TEP1: variants seen among roughly 807,000 people sequenced by gnomAD.
TEP1 encodes telomerase associated protein 1.
Under a neutral mutation model 306.3 loss-of-function variants are expected in TEP1, and 241 were observed. The observed-to-expected ratio is 0.79, with a 90% confidence interval of 0.71 to 0.88. The LOEUF (loss-of-function observed/expected upper bound fraction) is 0.88, where lower values mean the gene tolerates loss of function less well. TEP1 is among the 40% of genes least tolerant of loss of function. The pLI is 0.00. For synonymous variants in TEP1, 1,289 were observed against 1,305.5 expected, an observed-to-expected ratio of 0.99 and a Z score of 0.27; for missense variants, 3,051 against 3,276.1, an observed-to-expected ratio of 0.93 and a Z score of 1.68.
In TEP1 at chr14:20,378,534, A is replaced by G; in HGVS notation, c.5354T>C (p.Leu1785Pro). ...ATVCLGGCLK[L>P]WDTVRGQLAF... Reference sequence around the variant, plus strand: ...CAGCTGCCCACGGACTGTGTCCCACAGCTGAGGGAGAGAGAGGAGGAATCA... The same window carrying G: ...CAGCTGCCCACGGACTGTGTCCCACGGCTGAGGGAGAGAGAGGAGGAATCA... The change falls in exon 38 of 55, where the codon CTG (leucine) becomes CCG (proline). Residue 1785 changes from leucine (L) to proline (P), a missense_variant and splice_region_variant. Leu to Pro is a moderately conservative substitution (Grantham distance 98). Around this residue, in one of 3 missense-constraint regions of TEP1, gnomAD observed 1,540 missense variants for 1,705.9 expected, o/e 0.90. Coordinates refer to ENST00000262715, the MANE Select transcript of TEP1 (RefSeq NM_007110.5). 1 of 1,614,206 alleles carries G rather than the reference A, an allele frequency of 6.2e-7. No individual in the cohort carries two copies. The highest frequency in any genetic ancestry group is 8.5e-7 in the Non-Finnish European group (1 of 1,180,034).
rs1173347251 is a variant in TEP1 at position 20,395,955 on chromosome 14, AAGCAAAGGAGGGAGGGGTCATG to A, written c.1660-28_1660-7del. 6.2e-7 allele frequency: 1 copy of A among 1,613,666 alleles called. No homozygotes were observed. Among genetic ancestry groups the A allele is most frequent in the African/African-American group, 1.3e-5 (1 of 74,914 alleles). On this transcript the variant is annotated splice_polypyrimidine_tract_variant and splice_region_variant and intron_variant, in intron 10 of 54. Coordinates refer to ENST00000262715, the MANE Select transcript of TEP1 (RefSeq NM_007110.5). Reference sequence around the variant, plus strand: ...CGACTGTGGATCACCGACTTCTAGAAAGCAAAGGAGGGAGGGGTCATGAGCACAGGAGCCGGGAGTATGGGGG... The same window carrying A: ...CGACTGTGGATCACCGACTTCTAGAAAGCACAGGAGCCGGGAGTATGGGGG...
chr14:20,377,262 C>T lies in TEP1; in HGVS notation c.6088+18G>A, dbSNP rs546213045. 14 of 1,564,920 alleles carry T rather than the reference C, an allele frequency of 8.9e-6. No homozygotes were observed. In the South Asian group the frequency reaches 1.6e-4, roughly 18 times the overall value. On this transcript the variant is annotated intron_variant, in intron 41 of 54. Transcript: ENST00000262715. Reference sequence around the variant, plus strand: ...AAAGAACAGTAATTTGTTAACCCTGCCCACTGTCTAGTAGTACCTGAGGCA... The same window carrying T: ...AAAGAACAGTAATTTGTTAACCCTGTCCACTGTCTAGTAGTACCTGAGGCA...
At chr14:20,401,259 C>T (rs1878712445) in intron 8 of TEP1, 118 bp from the exon 9 acceptor site, 1 of 1,411,078 alleles carries the variant, frequency 7.1e-7, no homozygotes, top group African/African-American at 1.4e-5. Flanking sequence ...AAAAATAACT[C>T]AGAAAAGGAA....
intron 9 of TEP1, among the ~76,000 whole-genome samples, chr14:20,398,857 G>A (rs1259658264): frequency 1.3e-5 from 2 of 151,946 alleles, no homozygotes; most frequent in Non-Finnish European, 2.9e-5. Flanking sequence ...AATTATAGCT[G>A]GAAGCTTTCA....
In TEP1 at chr14:20,403,872, C is replaced by T. The variant is rs1406984843; in HGVS notation, c.1045G>A (p.Gly349Arg). ...AGGGGCACCAGCTTATTCTTATCTC[C>T]CTCAGCCAGGCTCTGTCAAAGAGAG... ...VAELYQSLAEGDKNKLVPLPA... is the reference protein window; with the variant it reads ...VAELYQSLAERDKNKLVPLPA... The change falls in exon 6 of 55, where the codon GGA becomes AGA. Residue 349 changes from glycine (G) to arginine (R), a missense_variant. Transcript: ENST00000262715. 3.7e-6 allele frequency: 6 copies of T among 1,614,126 alleles called. No homozygotes were observed. Among genetic ancestry groups the T allele is most frequent in the Admixed American group, 1.7e-5 (1 of 60,016 alleles).
intron 1 of TEP1, 42 bp from the exon 2 acceptor site, chr14:20,408,505 T>C (rs1879391017): frequency 2.0e-6 from 3 of 1,482,810 alleles, no homozygotes; most frequent in Non-Finnish European, 2.7e-6. Flanking sequence ...CTGGCTGCAC[T>C]GAGCGTGTAT....
chr14:20,378,654 G>A (rs1885344926), intron 37 of TEP1, 100 bp downstream of exon 37: 1 of 1,579,038 alleles, frequency 6.3e-7, no homozygotes, highest in South Asian at 1.1e-5. Flanking sequence ...GGCCTTCTCT[G>A]GCCAGGGAGT....
chr14:20,402,278 A>T (rs1425415026), intron 7 of TEP1, among the ~76,000 whole-genome samples: 17 of 152,236 alleles, frequency 1.1e-4, no homozygotes, highest in Admixed American at 1.1e-3. Flanking sequence ...ACTGCACTCC[A>T]GCCTGGGCTA....
chr14:20,400,918 G>T (rs922383513), intron 9 of TEP1, 66 bp downstream of exon 9: 2 of 1,562,582 alleles, frequency 1.3e-6, no homozygotes, highest in Non-Finnish European at 1.7e-6. Flanking sequence ...TTCTAGTGAG[G>T]ATCTAAAATG....
intron 42 of TEP1, 75 bp downstream of exon 42, chr14:20,376,029 G>T: frequency 6.4e-7 from 1 of 1,566,564 alleles, no homozygotes; most frequent in South Asian, 1.2e-5. Flanking sequence ...AGGAAGCAAT[G>T]GGAAATGGGT....
At chr14:20,379,799 A>G (rs756662494) in intron 35 of TEP1, 131 bp downstream of exon 35, 9 of 1,260,234 alleles carry the variant, frequency 7.1e-6, no homozygotes, top group Non-Finnish European at 9.6e-6. Context: ...AAGCCCTTTG[A>G]GCTGATGTGC....
At chr14:20,369,974 C>T (rs570531511) in intron 51 of TEP1, among the ~76,000 whole-genome samples, 195 bp from the exon 52 acceptor site, 2 of 149,532 alleles carry the variant, frequency 1.3e-5, no homozygotes, top group East Asian at 2.0e-4. Flanking sequence ...AGTGCAGTGG[C>T]GTGATCTCGG....
Position 20,395,491 on chromosome 14 carries a change from A to T in TEP1, c.1887T>A (p.Tyr629Ter). 1.9e-6 allele frequency: 3 copies of T among 1,611,434 alleles called. No individual in the cohort carries two copies. The highest frequency in any genetic ancestry group is 2.5e-6 in the Non-Finnish European group (3 of 1,178,106). ...TCAGCTTCTCCCTCTTGAGCTGCTC[A>T]TACAACACAGGTATCCTCATTGCCA... ...LRMAMRIPVL[Y>*]EQLKREKLRV... Residue 629 changes from tyrosine to a stop codon, truncating the protein, a stop_gained, in exon 12 of 55, where the codon TAT becomes TAA. Transcript: ENST00000262715. LOFTEE classifies it high-confidence loss of function.
intron 48 of TEP1, 65 bp downstream of exon 48, chr14:20,372,946 G>A (rs576548393): frequency 1.7e-5 from 27 of 1,613,404 alleles, no homozygotes; most frequent in Admixed American, 6.7e-5. Flanking sequence ...AACCTCTAAC[G>A]CCCAGTAAAT....
chr14:20,382,530 A>C (rs1594339132), intron 28 of TEP1, 93 bp downstream of exon 28: 1 of 1,556,076 alleles, frequency 6.4e-7, no homozygotes, highest in East Asian at 2.2e-5. Flanking sequence ...GGTGATCACA[A>C]GACAGCAAAG....
Position 20,369,485 on chromosome 14 carries a change from C to T in TEP1, c.7515G>A (p.Trp2505Ter). ...PEGEWTTGNM[W>*]QKKANTPETQ... is the part of the protein sequence containing the mutation. ...TTTCTGGAGTGTTTGCTTTTTTCTG[C>T]CACATGTTACCTGTGGTCCATTCTC... Residue 2505 changes from tryptophan to a stop codon, truncating the protein, a stop_gained, in exon 53 of 55, where the codon TGG becomes TGA. Transcript: ENST00000262715. LOFTEE classifies it high-confidence loss of function. 1 of 1,614,132 alleles carries T rather than the reference C, an allele frequency of 6.2e-7. No individual in the cohort carries two copies. The highest frequency in any genetic ancestry group is 8.5e-7 in the Non-Finnish European group (1 of 1,180,010).
In TEP1 at chr14:20,373,684, G is replaced by A. The variant is rs761769323; in HGVS notation, c.6598C>T (p.Arg2200Cys). ...ISHCAAAMEP[R>C]AAGQPGSELL... Reference sequence around the variant, plus strand: ...GTGGCTGACGTTTTGTTACCTGCACGGGGCTCCATGGCAGCTGCACAGTGG... The same window carrying A: ...GTGGCTGACGTTTTGTTACCTGCACAGGGCTCCATGGCAGCTGCACAGTGG... The change falls in exon 45 of 55, where the codon CGT becomes TGT. Residue 2200 changes from arginine to cysteine, a missense_variant. Around this residue, in one of 3 missense-constraint regions of TEP1, gnomAD observed 1,540 missense variants for 1,705.9 expected, o/e 0.90. Transcript: ENST00000262715. The A allele has an allele frequency of 1.9e-5, 31 of 1,614,056 alleles. No individual in the cohort carries two copies. Among genetic ancestry groups the A allele is most frequent in the South Asian group, 8.8e-5 (8 of 91,086 alleles).
intron 51 of TEP1, among the ~76,000 whole-genome samples, chr14:20,370,012 C>A (rs1256155205): frequency 6.6e-6 from 1 of 151,450 alleles, no homozygotes; most frequent in Non-Finnish European, 1.5e-5. Context: ...CTCCTGGGTT[C>A]AAGCGATTAT....
intron 12 of TEP1, among the ~76,000 whole-genome samples, chr14:20,393,734 G>A (rs1877939056): frequency 6.6e-6 from 1 of 151,924 alleles, no homozygotes; most frequent in Non-Finnish European, 1.5e-5. Flanking sequence ...AGGGGTTGCA[G>A]TGAGCTGAGA....
Sources: gnomAD v4.1 joint callset for allele counts (sites outside exome capture counted in the v4.1 genomes callset) on GRCh38, gnomAD v4.1.1 for gene constraint, gnomAD v4.1.1 regional missense constraint, MANE v1.5 for transcripts, NCBI Gene and HGNC (gene_info 2026-07-23, HGNC 2026-07-21) for gene names.